The following PPIP5K2 variants were observed in gnomAD, a reference collection of about 807,000 sequenced individuals.
The protein encoded by PPIP5K2 is diphosphoinositol pentakisphosphate kinase 2, also known as inositol hexakisphosphate and diphosphoinositol-pentakisphosphate kinase 2.
PPIP5K2 carries 105 observed loss-of-function variants against 154.6 expected under a neutral mutation model. The ratio of observed to expected loss-of-function variants is 0.68; its 90% confidence interval spans 0.58 to 0.80. PPIP5K2 has a LOEUF of 0.80. Among genes scored for constraint, PPIP5K2 ranks in the 30% least tolerant of loss-of-function variants. The probability of loss-of-function intolerance (pLI) is 0.00; values close to 1 mark genes in which losing one functional copy is unlikely to be tolerated. For missense variants in PPIP5K2, 992 were observed against 1,504.6 expected (o/e 0.66, Z 5.64); for synonymous variants, 480 against 490.3 (o/e 0.98, Z 0.28).
chr5:103,194,711 A>G (rs1801786785), intron 29 of PPIP5K2, 189 bp from the exon 30 acceptor site: 1 of 529,208 alleles, frequency 1.9e-6, no homozygotes, highest in Non-Finnish European at 3.3e-6. Context: ...ACAAACATCT[A>G]TTTGTCTAAG....
At position 103,205,248 on chromosome 5, in the gene PPIP5K2, G is replaced by C. The variant is rs1803445915; in HGVS notation, c.*3614G>C. The stretch of plus-strand genomic sequence containing the variant: ...TTTCTTAATCCAGTCTATCATTGAT[G>C]GACATCTGGGTTGGTCCCAAGTCTT... On this transcript the variant is annotated 3_prime_UTR_variant, in exon 31 of 31. Transcript: ENST00000358359. 6.6e-6 allele frequency: 1 copy of C among 152,174 alleles called. No homozygotes were observed. Among genetic ancestry groups the C allele is most frequent in the Admixed American group, 6.5e-5 (1 of 15,272 alleles). The allele number at this position is 152,174 out of a possible 1,614,324, so 9.4% of individuals were successfully genotyped here. A position where few individuals can be genotyped will look rare whatever the true frequency, so the allele number is the denominator to read the frequency against.
At chr5:103,155,779 A>G (rs946821282) in intron 13 of PPIP5K2, 130 bp from the exon 14 acceptor site, 51 of 700,002 alleles carry the variant, frequency 7.3e-5, no homozygotes, top group Non-Finnish European at 1.2e-4. Flanking sequence ...ATGATTATAT[A>G]TGGTACAATT....
At chr5:103,133,208 A>T (rs1554203163) in intron 2 of PPIP5K2, among the ~76,000 whole-genome samples, 1 of 152,200 alleles carries the variant, frequency 6.6e-6, no homozygotes, top group African/African-American at 2.4e-5. Flanking sequence ...TTCATTGAAA[A>T]TAGCAACCAT....
rs115902916 is a variant in PPIP5K2, at chr5:103,171,307, T to C, written c.2287-1848T>C. 4.4e-3 allele frequency among the ~76,000 whole-genome samples: 660 copies of C among 151,660 alleles called. 6 individuals carry two copies. Among genetic ancestry groups the C allele is most frequent in the African/African-American group, 0.014 (578 of 41,502 alleles). ...AAACATTTAAAGACTAAATTTGATA[T>C]TAAAATTATATTAATTGAGATGACA... On this transcript the variant is annotated intron_variant, in intron 19 of 30. Coordinates refer to ENST00000358359, the MANE Select transcript of PPIP5K2 (RefSeq NM_001276277.3).
intron 17 of PPIP5K2, among the ~76,000 whole-genome samples, chr5:103,159,914 A>C (rs1366161725): frequency 6.6e-6 from 1 of 152,076 alleles, no homozygotes; most frequent in Non-Finnish European, 1.5e-5. Flanking sequence ...CCCTTGACCA[A>C]CATCTTCCCA....
chr5:103,171,189 A>AT (rs1408032814), intron 19 of PPIP5K2, among the ~76,000 whole-genome samples: 1 of 151,556 alleles, frequency 6.6e-6, no homozygotes, highest in Non-Finnish European at 1.5e-5. Flanking sequence ...ATAGAATCAA[A>AT]TTTTCACTTT....
intron 4 of PPIP5K2, among the ~76,000 whole-genome samples, chr5:103,137,286 C>T (rs1791685850): frequency 6.6e-6 from 1 of 151,882 alleles, no homozygotes; most frequent in Non-Finnish European, 1.5e-5. Flanking sequence ...CCTCAGCCTC[C>T]CGAGTAGCTG....
chr5:103,192,642 AAGAT>A (rs1426756375), intron 29 of PPIP5K2, among the ~76,000 whole-genome samples: 3 of 152,160 alleles, frequency 2.0e-5, no homozygotes, highest in East Asian at 1.9e-4. Flanking sequence ...TATTTACAAA[AAGAT>A]AATATTTTAA....
chr5:103,180,185 T>C lies in PPIP5K2; in HGVS notation c.2919T>C (p.Asn973=), dbSNP rs781914299. 2.4e-5 allele frequency: 38 copies of C among 1,589,130 alleles called. No individual in the cohort carries two copies. Among genetic ancestry groups the C allele is most frequent in the African/African-American group, 4.1e-5 (3 of 73,088 alleles). ...CAAGATCTAGGAAGACGGCTACAAA[T>C]GATGTAAGTATATGTATCAGAACAC... ...PLPRSRKTAT[N]DEESPLSVSS... is the part of the protein sequence containing the mutation. Residue 973 remains asparagine (N), a synonymous_variant, in exon 24 of 31, where the codon AAT becomes AAC. Transcript: ENST00000358359.
intron 23 of PPIP5K2, 51 bp downstream of exon 23, chr5:103,178,031 A>G (rs782384049): frequency 2.6e-6 from 3 of 1,153,972 alleles, no homozygotes; most frequent in South Asian, 1.3e-5. Flanking sequence ...CTAGATTTTC[A>G]TGAGGTTTCT....
At chr5:103,172,559 G>T (rs1798124487) in intron 19 of PPIP5K2, among the ~76,000 whole-genome samples, 1 of 150,580 alleles carries the variant, frequency 6.6e-6, no homozygotes. Context: ...AATTTTCATT[G>T]CAATTACTCT....
chr5:103,167,990 A>G, intron 18 of PPIP5K2, 82 bp from the exon 19 acceptor site: 1 of 881,078 alleles, frequency 1.1e-6, no homozygotes, highest in Non-Finnish European at 1.7e-6. Flanking sequence ...CACTTTAAAA[A>G]GTTTCTAATT....
chr5:103,130,462 A>G (rs1485469110), intron 2 of PPIP5K2, among the ~76,000 whole-genome samples: 3 of 152,080 alleles, frequency 2.0e-5, no homozygotes, highest in African/African-American at 7.2e-5. Context: ...TAAGAGAAAA[A>G]CCTGTTCTAT....
intron 14 of PPIP5K2, among the ~76,000 whole-genome samples, chr5:103,156,345 C>A (rs1177802491): frequency 6.6e-6 from 1 of 152,008 alleles, no homozygotes; most frequent in Non-Finnish European, 1.5e-5. Context: ...GAAGAAAGGC[C>A]AAGAAGTACA....
chr5:103,173,840 G>GATTATATGGT lies in PPIP5K2; in HGVS notation c.2415-18_2415-17insATTATATGGT. 1 of 1,434,524 alleles carries GATTATATGGT rather than the reference G, an allele frequency of 7.0e-7. No individual in the cohort carries two copies. Among genetic ancestry groups the GATTATATGGT allele is most frequent in the South Asian group, 1.2e-5 (1 of 85,754 alleles). 88.9% of individuals were successfully genotyped at this position (1,434,524 alleles called of 1,614,324 possible). A position where few individuals can be genotyped will look rare whatever the true frequency, so the allele number is the denominator to read the frequency against. ...GATTATATGGTTATGTTTGAACACTGTCTGCTTCTAATTTTAGGTATTCTA... is the reference window on the plus strand; with the variant it reads ...GATTATATGGTTATGTTTGAACACTGATTATATGGTTCTGCTTCTAATTTTAGGTATTCTA... On this transcript the variant is annotated splice_polypyrimidine_tract_variant and intron_variant, in intron 20 of 30. Coordinates refer to ENST00000358359, the MANE Select transcript of PPIP5K2 (RefSeq NM_001276277.3).
chr5:103,143,250 T>C (rs782412497), intron 5 of PPIP5K2, among the ~76,000 whole-genome samples: 3 of 152,208 alleles, frequency 2.0e-5, no homozygotes, highest in Non-Finnish European at 4.4e-5. Context: ...CATGTTAGAG[T>C]GAAGTGGCGT....
At chr5:103,174,110 A>C in intron 21 of PPIP5K2, 138 bp downstream of exon 21, 1 of 603,894 alleles carries the variant, frequency 1.7e-6, no homozygotes, top group Admixed American at 3.4e-5. Context: ...AGGGACTACT[A>C]TATACCAAGC....
intron 21 of PPIP5K2, among the ~76,000 whole-genome samples, chr5:103,175,773 G>A (rs919678243): frequency 6.6e-6 from 1 of 152,004 alleles, no homozygotes; most frequent in Non-Finnish European, 1.5e-5. Context: ...GGACTAGGGT[G>A]GTAGCTGTGG....
chr5:103,160,091 A>G (rs1795988286), intron 17 of PPIP5K2, among the ~76,000 whole-genome samples: 1 of 152,146 alleles, frequency 6.6e-6, no homozygotes, highest in Admixed American at 6.5e-5. Context: ...GTTGCTAATG[A>G]TAGGATTTCC....
Sources: gnomAD v4.1 joint callset for allele counts (sites outside exome capture counted in the v4.1 genomes callset) on GRCh38, gnomAD v4.1.1 for gene constraint, MANE v1.5 for transcripts, NCBI Gene and HGNC (gene_info 2026-07-23, HGNC 2026-07-21) for gene names.